Variants in PPM1B observed in about 807,000 individuals in gnomAD.
PPM1B encodes protein phosphatase, Mg2+/Mn2+ dependent 1B.
In PPM1B, 22 loss-of-function variants were observed where a neutral mutation model predicts 43.0. The observed-to-expected ratio is 0.51, with a 90% CI of 0.37 to 0.73. The LOEUF is 0.73. PPM1B is among the 30% of genes least tolerant of loss of function. PPM1B has a pLI of 0.00. For missense variants in PPM1B, 632 were observed against 584.2 expected, an observed-to-expected ratio of 1.08 and a Z score of -0.84; for synonymous variants, 217 against 197.9, an observed-to-expected ratio of 1.10 and a Z score of -0.81.
At chr2:44,175,245 C>G (rs997627172) in intron 1 of PPM1B, among the ~76,000 whole-genome samples, 2 of 151,800 alleles carry the variant, frequency 1.3e-5, no homozygotes, top group Middle Eastern at 3.2e-3. Context: ...AAGTGAGACT[C>G]CGTCTCAAAA....
At chr2:44,242,313 AAC>A (rs953335523) in intron 5 of PPM1B, among the ~76,000 whole-genome samples, 74 of 152,316 alleles carry the variant, frequency 4.9e-4, no homozygotes, top group African/African-American at 1.6e-3. Context: ...GTACATATAA[AAC>A]ACACATGAAA....
At chr2:44,213,607 C>CAACT (rs1558419193) in intron 3 of PPM1B, 1 of 152,124 alleles carries the variant, frequency 6.6e-6, no homozygotes, top group African/African-American at 2.4e-5. Context: ...TCTGTCTCTA[C>CAACT]AACTATCTAG....
Position 44,239,896 on chromosome 2 carries a change from G to T in PPM1B, n.1547-4332G>T, listed in dbSNP as rs868656890. Among the ~76,000 whole-genome samples the T allele has an allele frequency of 2.6e-3, 361 of 140,278 alleles. 1 individual carries two copies. The highest frequency in any genetic ancestry group is 4.1e-3 in the Non-Finnish European group (265 of 64,624). The allele number at this position is 140,278 out of a possible 152,430, so 92.0% of individuals were successfully genotyped here. On this transcript the variant is annotated intron_variant and non_coding_transcript_variant, in intron 5 of 5. Coordinates refer to the PPM1B transcript ENST00000378540. Reference sequence around the variant, plus strand: ...CTATTGTTTTTTTGTTTTTGTTTTTGTTTTTTTTTTTTGTCTAACCCTGTG... The same window carrying T: ...CTATTGTTTTTTTGTTTTTGTTTTTTTTTTTTTTTTTTGTCTAACCCTGTG...
chr2:44,214,876 A>G (rs1047496699), intron 3 of PPM1B, among the ~76,000 whole-genome samples: 4 of 152,242 alleles, frequency 2.6e-5, no homozygotes, highest in African/African-American at 9.6e-5. Context: ...AATGAGAATT[A>G]TGTTTGTTAA....
At position 44,178,474 on chromosome 2, in the gene PPM1B, A is replaced by ATT. The variant is rs57257505; in HGVS notation, c.-15+9210_-15+9211dup. 3.3e-3 allele frequency among the ~76,000 whole-genome samples: 453 copies of ATT among 135,306 alleles called. 2 individuals are homozygous for ATT. The highest frequency in any genetic ancestry group is 0.011 in the African/African-American group (382 of 36,052). 88.8% of individuals were successfully genotyped at this position (135,306 alleles called of 152,430 possible). A position where few individuals can be genotyped will look rare whatever the true frequency, so the allele number is the denominator to read the frequency against. Reference sequence around the variant, plus strand: ...TATGTATATATATATATATATATATATTTTTTTTTTTAGACAGAGTTTCGC... The same window carrying ATT: ...TATGTATATATATATATATATATATATTTTTTTTTTTTTAGACAGAGTTTCGC... On this transcript the variant is annotated intron_variant, in intron 1 of 5. Transcript: ENST00000282412.
At chr2:44,243,053 A>G (rs979677398) in intron 5 of PPM1B, among the ~76,000 whole-genome samples, 1 of 152,114 alleles carries the variant, frequency 6.6e-6, no homozygotes, top group African/African-American at 2.4e-5. Flanking sequence ...CCTCATAGGG[A>G]TTTCCCCCCC....
intron 3 of PPM1B, among the ~76,000 whole-genome samples, chr2:44,215,118 T>C (rs773147536): frequency 2.6e-5 from 4 of 152,118 alleles, no homozygotes; most frequent in Non-Finnish European, 2.9e-5. Context: ...CTGTAGCAAA[T>C]AGTTATTATT....
At chr2:44,223,317 C>G (rs1197614723) in intron 5 of PPM1B, among the ~76,000 whole-genome samples, 1 of 151,882 alleles carries the variant, frequency 6.6e-6, no homozygotes, top group East Asian at 1.9e-4. Context: ...CTTTTTGAGC[C>G]CAAAAGAATC....
At position 44,230,724 on chromosome 2, in the gene PPM1B, C is replaced by T. The variant is rs1352258441; in HGVS notation, c.*6C>T. 1.9e-6 allele frequency: 3 copies of T among 1,600,392 alleles called. No homozygotes were observed. Among genetic ancestry groups the T allele is most frequent in the Non-Finnish European group, 2.6e-6 (3 of 1,170,648 alleles). On this transcript the variant is annotated 3_prime_UTR_variant, in exon 6 of 6. Coordinates refer to ENST00000282412, the MANE Select transcript of PPM1B (RefSeq NM_002706.6). ...TGAGTGGTGAAAAAATATGACTTTCCTTTTTGGTAATATTTTTGTGATCTT... is the reference window on the plus strand; with the variant it reads ...TGAGTGGTGAAAAAATATGACTTTCTTTTTTGGTAATATTTTTGTGATCTT...
At position 44,201,901 on chromosome 2, in the gene PPM1B, G is replaced by C. The variant is rs1477841182; in HGVS notation, c.702G>C (p.Glu234Asp). ...TTTATGAAATTTTAAGAGCAGAAGA[G>C]GATGAATTTATCATCTTGGCTTGTG... ...PEVYEILRAEEDEFIILACDG... is the reference protein window; with the variant it reads ...PEVYEILRAEDDEFIILACDG... The change falls in exon 2 of 6, where the codon GAG becomes GAC. Residue 234 changes from glutamate (E) to aspartate (D), a missense_variant. Transcript: ENST00000282412. The surrounding 1 kb of genome is among the most constrained non-coding windows in gnomAD (Gnocchi z 5.4). The C allele has an allele frequency of 1.2e-6, 2 of 1,614,030 alleles. No homozygotes were observed. Among genetic ancestry groups the C allele is most frequent in the African/African-American group, 2.7e-5 (2 of 74,910 alleles).
At chr2:44,224,673 A>T (rs191377051) in intron 5 of PPM1B, among the ~76,000 whole-genome samples, 1 of 143,132 alleles carries the variant, frequency 7.0e-6, no homozygotes, top group African/African-American at 2.5e-5. Context: ...CTTTTAAGCT[A>T]TGTTAGTCTA....
downstream of PPM1B, chr2:44,234,701 T>TA (rs1670565524): frequency 1.2e-5 from 9 of 727,976 alleles, no homozygotes; most frequent in Non-Finnish European, 1.5e-5. Context: ...CTTATACTCT[T>TA]ACAAATTGTA....
At chr2:44,176,679 C>G (rs1002614925) in intron 1 of PPM1B, among the ~76,000 whole-genome samples, 3 of 152,202 alleles carry the variant, frequency 2.0e-5, no homozygotes, top group Non-Finnish European at 4.4e-5. Context: ...ACATTGCAAA[C>G]TTAAGCATAA....
At chr2:44,176,968 C>T (rs551853727) in intron 1 of PPM1B, among the ~76,000 whole-genome samples, 6 of 152,128 alleles carry the variant, frequency 3.9e-5, no homozygotes, top group East Asian at 3.9e-4. Flanking sequence ...TTCGTAGAGA[C>T]GGGGTTTCAC....
At chr2:44,174,254 C>T (rs1040110420) in intron 1 of PPM1B, among the ~76,000 whole-genome samples, 1 of 152,170 alleles carries the variant, frequency 6.6e-6, no homozygotes, top group Non-Finnish European at 1.5e-5. Context: ...CATAACACTT[C>T]TTGGAAAATT....
intron 1 of PPM1B, among the ~76,000 whole-genome samples, chr2:44,189,984 A>G (rs1201115627): frequency 6.6e-6 from 1 of 152,186 alleles, no homozygotes; most frequent in Non-Finnish European, 1.5e-5. Context: ...GTCTTGAACT[A>G]GAAACACTTT....
At chr2:44,229,718 CTG>C (rs1363679923) in intron 5 of PPM1B, among the ~76,000 whole-genome samples, 1 of 152,144 alleles carries the variant, frequency 6.6e-6, no homozygotes, top group Non-Finnish European at 1.5e-5. Flanking sequence ...GTCGGCTTAA[CTG>C]TGATCAGCTT....
At chr2:44,234,013 C>T, downstream of PPM1B, 1 of 983,428 alleles carries the variant, frequency 1.0e-6, no homozygotes, top group South Asian at 4.7e-5. Context: ...TCATACAATG[C>T]AGTGAACATA....
At chr2:44,223,691 C>A (rs1181682577) in intron 5 of PPM1B, among the ~76,000 whole-genome samples, 1 of 151,494 alleles carries the variant, frequency 6.6e-6, no homozygotes, top group East Asian at 1.9e-4. Context: ...TGGTGGGCGC[C>A]TGTAGTCTCA....
Sources: allele counts gnomAD v4.1 joint callset (sites outside exome capture counted in the v4.1 genomes callset), GRCh38; gene constraint gnomAD v4.1.1; non-coding constraint Gnocchi (gnomAD v3.1); transcripts MANE v1.5; gene names NCBI Gene and HGNC (gene_info 2026-07-23, HGNC 2026-07-21).